The following PIK3R3 variants were observed in gnomAD, a reference collection of about 807,000 sequenced individuals.
The protein encoded by PIK3R3 is phosphoinositide-3-kinase regulatory subunit 3, also known as phosphatidylinositol 3-kinase regulatory subunit gamma.
PIK3R3 carries 64 observed loss-of-function variants against 62.9 expected under a neutral mutation model. The observed-to-expected ratio is 1.02, with a 90% confidence interval of 0.83 to 1.25. The LOEUF is 1.25. Among genes scored for constraint, PIK3R3 ranks in the 50% most tolerant of loss-of-function variants. The pLI is 0.00. For synonymous variants in PIK3R3, 165 were observed against 189.0 expected, an observed-to-expected ratio of 0.87 and a Z score of 1.04; for missense variants, 614 against 561.6, an observed-to-expected ratio of 1.09 and a Z score of -0.94.
the PIK3R3 span, among the ~76,000 whole-genome samples, chr1:46,145,551 G>A: frequency 6.6e-6 from 1 of 151,988 alleles, no homozygotes. Context: ...AGCAACCAAG[G>A]AAACAAGGCT....
chr1:46,146,303 T>G, the PIK3R3 span, among the ~76,000 whole-genome samples: 11 of 152,232 alleles, frequency 7.2e-5, no homozygotes, highest in African/African-American at 2.4e-4. Context: ...GCTTTTTTCA[T>G]GGGCTGTGCT....
chr1:46,159,326 C>T, the PIK3R3 span, among the ~76,000 whole-genome samples: 47 of 152,162 alleles, frequency 3.1e-4, no homozygotes, highest in South Asian at 9.3e-3. Context: ...GTTCTGACTC[C>T]AAAGTCAGAT....
At chr1:46,113,508 T>A (rs1653919361) in intron 1 of PIK3R3, among the ~76,000 whole-genome samples, 1 of 151,948 alleles carries the variant, frequency 6.6e-6, no homozygotes, top group Non-Finnish European at 1.5e-5. Context: ...CAGGCTGGTA[T>A]CAAACTCCTC....
intron 7 of PIK3R3, among the ~76,000 whole-genome samples, chr1:46,054,291 G>A (rs1647656611): frequency 6.7e-6 from 1 of 150,112 alleles, no homozygotes; most frequent in South Asian, 2.1e-4. Context: ...CTACTCGGAA[G>A]GCTGATGTAG....
chr1:46,067,276 AT>A (rs1365882572), intron 3 of PIK3R3, among the ~76,000 whole-genome samples, 185 bp from the exon 4 acceptor site: 4 of 147,866 alleles, frequency 2.7e-5, no homozygotes, highest in Admixed American at 1.4e-4. Flanking sequence ...ATATATATAT[AT>A]AATTCATTTT....
the PIK3R3 span, among the ~76,000 whole-genome samples, chr1:46,164,554 G>T: frequency 3.3e-5 from 5 of 152,216 alleles, no homozygotes; most frequent in African/African-American, 1.2e-4. Flanking sequence ...GCTTGAACCC[G>T]GGAGGCGGAG....
At chr1:46,155,348 A>C in the PIK3R3 span, among the ~76,000 whole-genome samples, 11 of 151,768 alleles carry the variant, frequency 7.2e-5, no homozygotes, top group African/African-American at 1.7e-4. Context: ...AAAAAAAAAA[A>C]CAAAAAACAG....
chr1:46,142,425 G>A, the PIK3R3 span, among the ~76,000 whole-genome samples: 2 of 152,228 alleles, frequency 1.3e-5, no homozygotes, highest in African/African-American at 4.8e-5. Context: ...GAGGCCGGGC[G>A]CGGTGGCTCA....
chr1:46,094,661 C>A (rs1179106798), intron 1 of PIK3R3, among the ~76,000 whole-genome samples: 19 of 152,226 alleles, frequency 1.2e-4, no homozygotes, highest in Admixed American at 1.2e-3. Context: ...CAACTTTGCT[C>A]ATGCATGGAC....
chr1:46,105,893 C>G (rs1337962109), intron 1 of PIK3R3, among the ~76,000 whole-genome samples: 2 of 151,908 alleles, frequency 1.3e-5, no homozygotes, highest in African/African-American at 4.8e-5. Flanking sequence ...TAATTGAAGC[C>G]AAGTAAAAGC....
upstream of PIK3R3, chr1:46,132,785 G>A (rs906814347): frequency 7.1e-6 from 9 of 1,267,518 alleles, no homozygotes; most frequent in Non-Finnish European, 9.2e-6. Context: ...TCGATGTACC[G>A]GGATTCTGTC....
In PIK3R3 at chr1:46,067,020, G is replaced by A; in HGVS notation, c.386C>T (p.Thr129Ile). 1.2e-6 allele frequency: 2 copies of A among 1,604,722 alleles called. No homozygotes were observed. Among genetic ancestry groups the A allele is most frequent in the Non-Finnish European group, 1.7e-6 (2 of 1,176,276 alleles). ...DGKYGFSDPL[T>I]FNSVVELINH... The stretch of plus-strand genomic sequence containing the variant: ...AATGAGCTCCACCACGGAATTAAAT[G>A]TCAGAGGATCAGAAAAGCCATATTT... The change falls in exon 4 of 10, where the codon ACA (threonine) becomes ATA (isoleucine). Residue 129 changes from threonine (T) to isoleucine (I), a missense_variant. Transcript: ENST00000262741.
chr1:46,098,799 C>T (rs1286507413), intron 1 of PIK3R3, among the ~76,000 whole-genome samples: 1 of 152,156 alleles, frequency 6.6e-6, no homozygotes, highest in Non-Finnish European at 1.5e-5. Context: ...CTACTGAGTT[C>T]AAGCGATCCT....
At chr1:46,160,598 A>T in the PIK3R3 span, among the ~76,000 whole-genome samples, 1 of 152,232 alleles carries the variant, frequency 6.6e-6, no homozygotes, top group Non-Finnish European at 1.5e-5. Flanking sequence ...TTCCATCTCA[A>T]GTATAGGCTG....
chr1:46,084,201 T>C (rs1489912597), intron 1 of PIK3R3, among the ~76,000 whole-genome samples: 1 of 152,158 alleles, frequency 6.6e-6, no homozygotes, highest in Non-Finnish European at 1.5e-5. Context: ...TTGTCCAGAA[T>C]AGGCAAATCT....
At chr1:46,160,607 T>C in the PIK3R3 span, among the ~76,000 whole-genome samples, 120 of 152,370 alleles carry the variant, frequency 7.9e-4, 1 homozygote, top group East Asian at 0.02. Context: ...AAGTATAGGC[T>C]GTCCCCTTGA....
At chr1:46,134,121 A>C (rs1012747152), upstream of PIK3R3, among the ~76,000 whole-genome samples, 1 of 152,220 alleles carries the variant, frequency 6.6e-6, no homozygotes, top group Admixed American at 6.5e-5. Context: ...CAGTCTGAGG[A>C]GGCCAAAAAC....
chr1:46,056,040 G>T, intron 6 of PIK3R3, 69 bp from the exon 7 acceptor site: 1 of 1,006,974 alleles, frequency 9.9e-7, no homozygotes, highest in Non-Finnish European at 1.4e-6. Context: ...GGGTGAGCAC[G>T]GTCCTAATAT....
At chr1:46,075,026 T>G (rs894313916) in intron 3 of PIK3R3, among the ~76,000 whole-genome samples, 5 of 152,330 alleles carry the variant, frequency 3.3e-5, no homozygotes, top group Admixed American at 3.3e-4. Flanking sequence ...ATCAAAACCC[T>G]GAGCTCACCC....
Sources: allele counts gnomAD v4.1 joint callset (sites outside exome capture counted in the v4.1 genomes callset), GRCh38; gene constraint gnomAD v4.1.1; transcripts MANE v1.5; gene names NCBI Gene and HGNC (gene_info 2026-07-23, HGNC 2026-07-21).